SLC38A8: variants seen among roughly 807,000 people sequenced by gnomAD.
SLC38A8 encodes the protein solute carrier family 38 member 8.
A neutral mutation model predicts 46.0 loss-of-function variants in SLC38A8; 65 were observed. That is an observed-to-expected ratio of 1.41 (90% CI 1.16 to 1.74). The LOEUF (loss-of-function observed/expected upper bound fraction) is 1.74. Among genes scored for constraint, SLC38A8 ranks in the 40% most tolerant of loss-of-function variants. The pLI is 0.00. For synonymous variants in SLC38A8, 447 were observed against 243.7 expected, an observed-to-expected ratio of 1.83 and a Z score of -7.77; for missense variants, 998 against 567.9, an observed-to-expected ratio of 1.76 and a Z score of -7.70.
chr16:84,034,011 A>C (rs1383041997), intron 3 of SLC38A8, among the ~76,000 whole-genome samples: 2 of 152,164 alleles, frequency 1.3e-5, no homozygotes, highest in African/African-American at 4.8e-5. Context: ...ATCCTCCTCC[A>C]TATAGAATTG....
intron 3 of SLC38A8, among the ~76,000 whole-genome samples, chr16:84,034,876 C>A (rs749776725): frequency 3.9e-4 from 60 of 152,218 alleles, no homozygotes; most frequent in Non-Finnish European, 7.5e-4. Context: ...AACAGCAGGA[C>A]TGTACCAGCT....
chr16:84,017,920 C>A (rs888297257), intron 7 of SLC38A8, among the ~76,000 whole-genome samples: 1 of 152,202 alleles, frequency 6.6e-6, no homozygotes, highest in Admixed American at 6.5e-5. Context: ...TACTGAATCA[C>A]TGAGTCACAC....
chr16:84,042,485 CCCATCCACTCCCTTTGCTTCCAG>C (rs2085378948), intron 1 of SLC38A8, 43 bp downstream of exon 1: 2 of 221,146 alleles, frequency 9.0e-6, no homozygotes, highest in Non-Finnish European at 1.8e-5. Flanking sequence ...TCCCCCCATT[CCCATCCACTCCCTTTGCTTCCAG>C]CCAAACTTCT....
At chr16:84,012,587 G>C (rs781366003) in intron 10 of SLC38A8, among the ~76,000 whole-genome samples, 4 of 152,200 alleles carry the variant, frequency 2.6e-5, no homozygotes, top group Non-Finnish European at 5.9e-5. Flanking sequence ...TCAGTGCCTA[G>C]CAGAGGAGCC....
intron 5 of SLC38A8, 130 bp downstream of exon 5, chr16:84,031,737 A>T (rs2085240807): frequency 1.3e-6 from 1 of 761,018 alleles, no homozygotes; most frequent in Non-Finnish European, 2.2e-6. Flanking sequence ...TCAGAGACGG[A>T]AAGAACTGGA....
At chr16:84,022,584 G>A (rs1251796891) in intron 7 of SLC38A8, among the ~76,000 whole-genome samples, 191 bp downstream of exon 7, 2 of 152,198 alleles carry the variant, frequency 1.3e-5, no homozygotes, top group African/African-American at 4.8e-5. Flanking sequence ...GTTCTGGAGG[G>A]CACCTGAGCC....
rs145737508 is a variant in SLC38A8 at position 84,033,975 on chromosome 16, G to C, written c.389-506C>G. On this transcript the variant is annotated intron_variant, in intron 3 of 10. Coordinates refer to ENST00000299709, the MANE Select transcript of SLC38A8 (RefSeq NM_001080442.3). ...TTACAAGTCATGGATCGTAGGTAGA[G>C]AGTTAGTACAGGGCCAGGCTGGCCA... 5.6e-4 allele frequency among the ~76,000 whole-genome samples: 86 copies of C among 152,350 alleles called. 1 individual carries two copies. Among genetic ancestry groups the C allele is most frequent in the African/African-American group, 2.0e-3 (84 of 41,588 alleles).
At chr16:84,015,314 G>A (rs1018621287) in intron 9 of SLC38A8, among the ~76,000 whole-genome samples, 2 of 152,034 alleles carry the variant, frequency 1.3e-5, no homozygotes, top group Non-Finnish European at 1.5e-5. Context: ...CCACCTTGCT[G>A]GCTTCCCCTT....
At chr16:84,032,092 C>G in intron 4 of SLC38A8, 124 bp from the exon 5 acceptor site, 1 of 809,458 alleles carries the variant, frequency 1.2e-6, no homozygotes, top group Admixed American at 2.1e-5. Flanking sequence ...AAGCTGTCCA[C>G]CTCTGCCTCA....
intron 6 of SLC38A8, among the ~76,000 whole-genome samples, chr16:84,027,902 G>C (rs2085184717): frequency 6.6e-6 from 1 of 152,198 alleles, no homozygotes; most frequent in African/African-American, 2.4e-5. Flanking sequence ...CAGACAAACA[G>C]TTGACAGCAA....
Position 84,016,656 on chromosome 16 carries a change from G to A in SLC38A8, c.1025C>T (p.Ser342Leu), listed in dbSNP as rs1302928997. The change falls in exon 9 of 11, where the codon TCA becomes TTA. Residue 342 changes from serine to leucine, a missense_variant. Coordinates refer to ENST00000299709, the MANE Select transcript of SLC38A8 (RefSeq NM_001080442.3). ...CAGCGGCATCCGGACCCACAGCCCT[G>A]AGGGGTCGGCCAGGGCGCTGGGCCC... ...GWGPSALADP[S>L]GLWVRMPLTI... 1 of 1,613,670 alleles carries A rather than the reference G, an allele frequency of 6.2e-7. No individual in the cohort carries two copies. The highest frequency in any genetic ancestry group is 1.3e-5 in the African/African-American group (1 of 74,944).
In SLC38A8 at chr16:84,018,940, G is replaced by C. The variant is rs190833089; in HGVS notation, c.806-1653C>G. On this transcript the variant is annotated intron_variant, in intron 7 of 10. Transcript: ENST00000299709. ...GATTTATTCAGGTCCATTGCAGCCA[G>C]AAGTCCCGCTTCCAGTGATGAGGAC... Among the ~76,000 whole-genome samples the C allele has an allele frequency of 2.0e-3, 309 of 152,274 alleles. 2 individuals are homozygous for C. Among genetic ancestry groups the C allele is most frequent in the African/African-American group, 7.2e-3 (298 of 41,558 alleles).
At chr16:84,015,105 G>C (rs894514122) in intron 9 of SLC38A8, among the ~76,000 whole-genome samples, 3 of 152,210 alleles carry the variant, frequency 2.0e-5, no homozygotes, top group Admixed American at 6.5e-5. Flanking sequence ...ATGTCTGTTT[G>C]GCATGGTTCC....
intron 3 of SLC38A8, among the ~76,000 whole-genome samples, chr16:84,035,715 G>A (rs1373969548): frequency 6.6e-6 from 1 of 152,192 alleles, no homozygotes; most frequent in African/African-American, 2.4e-5. Context: ...ATTAATGGTA[G>A]AGAAGACAGA....
chr16:84,034,450 A>T (rs1207347329), intron 3 of SLC38A8, among the ~76,000 whole-genome samples: 1 of 152,186 alleles, frequency 6.6e-6, no homozygotes, highest in African/African-American at 2.4e-5. Context: ...GGGAAAGCAC[A>T]GGCGAGTGGG....
At chr16:84,019,174 A>G (rs2085067747) in intron 7 of SLC38A8, among the ~76,000 whole-genome samples, 2 of 152,022 alleles carry the variant, frequency 1.3e-5, no homozygotes, top group African/African-American at 2.4e-5. Context: ...TTCCAGGTTC[A>G]AGCGATTATC....
At chr16:84,015,239 G>C (rs566576191) in intron 9 of SLC38A8, among the ~76,000 whole-genome samples, 2 of 152,260 alleles carry the variant, frequency 1.3e-5, no homozygotes, top group African/African-American at 2.4e-5. Flanking sequence ...TGGAGTCTCT[G>C]TTCTGGGCTC....
intron 3 of SLC38A8, among the ~76,000 whole-genome samples, chr16:84,035,118 T>A (rs560341889): frequency 2.0e-5 from 3 of 152,220 alleles, no homozygotes; most frequent in Non-Finnish European, 4.4e-5. Flanking sequence ...CGTATCCTCA[T>A]CCGTCCTCTG....
Position 84,034,540 on chromosome 16 carries a change from G to A in SLC38A8, c.389-1071C>T, listed in dbSNP as rs568886582. On this transcript the variant is annotated intron_variant, in intron 3 of 10. Coordinates refer to ENST00000299709, the MANE Select transcript of SLC38A8 (RefSeq NM_001080442.3). ...CTGCAACCACTGGAGATGGGAGGCC[G>A]AGGAGCTTGAGATGTCTTCGCTCCT... Among the ~76,000 whole-genome samples, 170 of 152,334 alleles carry A rather than the reference G, an allele frequency of 1.1e-3. 6 individuals are homozygous for A. Among genetic ancestry groups the A allele is most frequent in the Non-Finnish European group, 1.0e-3 (69 of 68,038 alleles).
Sources: gnomAD v4.1 joint callset for allele counts (sites outside exome capture counted in the v4.1 genomes callset) on GRCh38, gnomAD v4.1.1 for gene constraint, MANE v1.5 for transcripts, NCBI Gene and HGNC (gene_info 2026-07-23, HGNC 2026-07-21) for gene names.